COBL: variants seen among roughly 807,000 people sequenced by gnomAD.
COBL encodes cordon-bleu WH2 repeat protein.
In COBL, 51 loss-of-function variants were observed where a neutral mutation model predicts 98.8. The observed-to-expected ratio is 0.52, with a 90% CI of 0.41 to 0.65. The LOEUF is 0.65. Among genes scored for constraint, COBL ranks in the 30% least tolerant of loss-of-function variants. The probability of loss-of-function intolerance (pLI) is 0.00; values close to 1 mark genes in which losing one functional copy is unlikely to be tolerated. For missense variants in COBL, 1,617 were observed against 1,617.5 expected, an observed-to-expected ratio of 1.00 and a Z score of 0.01; for synonymous variants, 634 against 651.7, an observed-to-expected ratio of 0.97 and a Z score of 0.41.
At chr7:51,131,593 C>CTT (rs369394848) in intron 6 of COBL, among the ~76,000 whole-genome samples, 30 of 139,350 alleles carry the variant, frequency 2.2e-4, no homozygotes, top group South Asian at 4.8e-4. Flanking sequence ...GATTCTTCTT[C>CTT]TTTTTTTTTT....
intron 1 of COBL, among the ~76,000 whole-genome samples, chr7:51,292,734 C>T (rs970786520): frequency 2.0e-5 from 3 of 152,238 alleles, no homozygotes; most frequent in African/African-American, 7.2e-5. Flanking sequence ...CACTCCAGAG[C>T]CTAGAAAGCA....
intron 6 of COBL, among the ~76,000 whole-genome samples, chr7:51,090,196 T>G (rs980354005): frequency 1.4e-4 from 22 of 152,200 alleles, no homozygotes; most frequent in Non-Finnish European, 4.4e-5. Context: ...TGATGTTGAC[T>G]AGATAGCAGA....
intron 7 of COBL, among the ~76,000 whole-genome samples, chr7:51,079,481 C>T (rs373017145): frequency 1.4e-4 from 22 of 152,108 alleles, no homozygotes; most frequent in African/African-American, 1.9e-4. Flanking sequence ...ATCTGAAGGA[C>T]GGATATAAAT....
chr7:51,207,672 T>C (rs1437174565), intron 2 of COBL, among the ~76,000 whole-genome samples: 2 of 152,246 alleles, frequency 1.3e-5, no homozygotes, highest in Admixed American at 6.5e-5. Flanking sequence ...CCGCGAGTGA[T>C]CCGCCAGCCT....
chr7:51,104,728 AT>A (rs763617134), intron 6 of COBL, among the ~76,000 whole-genome samples: 1 of 152,102 alleles, frequency 6.6e-6, no homozygotes, highest in Non-Finnish European at 1.5e-5. Flanking sequence ...AACTACCTAG[AT>A]CTTGGTCTCA....
chr7:51,295,004 G>A lies in COBL; in HGVS notation c.41+21589C>T, dbSNP rs116919129. On this transcript the variant is annotated intron_variant, in intron 1 of 12. Coordinates refer to ENST00000265136, the MANE Select transcript of COBL (RefSeq NM_015198.5). ...ATGAGGGGCTTAAAACCTAAATGAC[G>A]GGCCGGGCACAATGGCTCTCAATCA... Among the ~76,000 whole-genome samples the A allele has an allele frequency of 7.6e-3, 1,161 of 151,964 alleles. 59 individuals carry two copies. The South Asian group carries it at 0.13, about 17-fold the overall frequency.
chr7:51,189,276 C>T (rs535762330), intron 4 of COBL, among the ~76,000 whole-genome samples: 6 of 152,138 alleles, frequency 3.9e-5, no homozygotes, highest in East Asian at 3.9e-4. Flanking sequence ...GCGGACTTGG[C>T]GGGGAGAGGA....
At chr7:51,310,314 A>G (rs1289856103) in intron 1 of COBL, among the ~76,000 whole-genome samples, 2 of 152,216 alleles carry the variant, frequency 1.3e-5, no homozygotes, top group Admixed American at 1.3e-4. Flanking sequence ...GGCTGCGTGG[A>G]GAAGGAGCAA....
intron 1 of COBL, among the ~76,000 whole-genome samples, chr7:51,282,093 C>A (rs1256144573): frequency 6.6e-6 from 1 of 151,880 alleles, no homozygotes; most frequent in African/African-American, 2.4e-5. Context: ...ACTAAAAAAT[C>A]TCAAACAACT....
At chr7:51,226,062 T>C (rs1255435872) in intron 1 of COBL, among the ~76,000 whole-genome samples, 1 of 152,214 alleles carries the variant, frequency 6.6e-6, no homozygotes, top group Non-Finnish European at 1.5e-5. Context: ...GGAAATGTCA[T>C]CTGTGGACCT....
intron 2 of COBL, among the ~76,000 whole-genome samples, chr7:51,212,092 A>G (rs1196884159): frequency 3.3e-5 from 5 of 152,090 alleles, no homozygotes; most frequent in Non-Finnish European, 5.9e-5. Flanking sequence ...TGTTACCCCA[A>G]ATGCCTTTTA....
rs200979702 is a variant in COBL, at chr7:51,190,952, C to T, written c.583G>A (p.Val195Met). 2.0e-5 allele frequency: 33 copies of T among 1,614,026 alleles called. No individual in the cohort carries two copies. The highest frequency in any genetic ancestry group is 1.4e-5 in the Non-Finnish European group (17 of 1,180,028). ...GCAATGTTGTCCCTGAGGAGAACCA[C>T]GTGCTCTGGGCTGACCTCACACTTT... ...CAKCEVSPEH[V>M]VLLRDNIAGE... Residue 195 changes from valine (V) to methionine (M), a missense_variant, in exon 4 of 13, where the codon GTG (valine) becomes ATG (methionine). This residue lies in a region of COBL where 75 missense variants were observed against 120.5 expected (regional missense o/e 0.62). Transcript: ENST00000265136.
At chr7:51,303,423 G>A (rs11978875) in intron 1 of COBL, among the ~76,000 whole-genome samples, 4,841 of 152,130 alleles carry the variant, frequency 0.032, 255 homozygotes, top group African/African-American at 0.11. Context: ...GTCTCTGTGC[G>A]CACCTGACTT....
chr7:51,118,609 A>C (rs1797483869), intron 6 of COBL, among the ~76,000 whole-genome samples: 1 of 151,234 alleles, frequency 6.6e-6, no homozygotes, highest in Admixed American at 6.6e-5. Flanking sequence ...TCATACAAGG[A>C]TGTGAATCAC....
intron 7 of COBL, among the ~76,000 whole-genome samples, chr7:51,046,414 T>C (rs1053200597): frequency 1.6e-4 from 24 of 152,256 alleles, no homozygotes; most frequent in African/African-American, 5.5e-4. Context: ...AGCCCCAACC[T>C]GTGTTGGTGT....
intron 6 of COBL, among the ~76,000 whole-genome samples, chr7:51,086,842 T>C (rs997952156): frequency 2.6e-5 from 4 of 152,172 alleles, no homozygotes; most frequent in African/African-American, 9.7e-5. Context: ...TAGTATATTA[T>C]AACCACCTCC....
At chr7:51,056,215 G>GC (rs1251972934) in intron 7 of COBL, among the ~76,000 whole-genome samples, 1 of 146,212 alleles carries the variant, frequency 6.8e-6, no homozygotes, top group East Asian at 2.2e-4. Context: ...AATATGGGGG[G>GC]GTGCATGATG....
At chr7:51,081,069 CG>C (rs1793613121) in intron 7 of COBL, among the ~76,000 whole-genome samples, 1 of 152,074 alleles carries the variant, frequency 6.6e-6, no homozygotes, top group Non-Finnish European at 1.5e-5. Context: ...ACATGTGGTG[CG>C]CTGGCAGCCA....
chr7:51,145,231 G>A lies in COBL; in HGVS notation c.784-8900C>T, dbSNP rs1784909775. On this transcript the variant is annotated intron_variant, in intron 5 of 12. Coordinates refer to ENST00000265136, the MANE Select transcript of COBL (RefSeq NM_015198.5). ...GGGTTTCACCATGTTGGCCAGGCTG[G>A]TCTTGAACTCTTGACCTCAAGTGAT... is the stretch of plus-strand genomic sequence containing the variant. 2.0e-5 allele frequency among the ~76,000 whole-genome samples: 3 copies of A among 152,138 alleles called. No individual in the cohort carries two copies. The South Asian group carries it at 6.2e-4, about 32-fold the overall frequency.
Sources: gnomAD v4.1 joint callset for allele counts (sites outside exome capture counted in the v4.1 genomes callset) on GRCh38, gnomAD v4.1.1 for gene constraint, gnomAD v4.1.1 regional missense constraint, MANE v1.5 for transcripts, NCBI Gene and HGNC (gene_info 2026-07-23, HGNC 2026-07-21) for gene names.